The following ATP2B2 variants were observed in gnomAD, a reference collection of about 807,000 sequenced individuals.
ATP2B2 encodes the protein plasma membrane calcium-transporting ATPase 2.
ATP2B2 carries 15 observed loss-of-function variants against 120.0 expected under a neutral mutation model. The observed-to-expected ratio is 0.12, with a 90% CI of 0.08 to 0.19. The LOEUF (loss-of-function observed/expected upper bound fraction) is 0.19, where lower values mean the gene tolerates loss of function less well. ATP2B2 is among the 10% of genes least tolerant of loss of function. The pLI, the probability that ATP2B2 is intolerant of heterozygous loss-of-function variation, is 1.00. For missense variants in ATP2B2, 1,045 were observed against 1,719.8 expected (o/e 0.61, Z 6.94); for synonymous variants, 694 against 700.3 (o/e 0.99, Z 0.14).
At chr3:10,335,625 C>A (rs953696501) in intron 22 of ATP2B2, among the ~76,000 whole-genome samples, 1 of 152,200 alleles carries the variant, frequency 6.6e-6, no homozygotes, top group African/African-American at 2.4e-5. Context: ...ATGTGACTGA[C>A]TGGGACCCTA....
rs1466616262 is a variant in ATP2B2, at chr3:10,325,085, C to A, written c.*3729G>T. On this transcript the variant is annotated 3_prime_UTR_variant, in exon 23 of 23. Coordinates refer to ENST00000360273, the MANE Select transcript of ATP2B2 (RefSeq NM_001001331.4). Reference sequence around the variant, plus strand: ...GATGGGAGGAACAGCAGGCTTCTCTCAAGATCAGGATGCCCTTTTTGTCCC... The same window carrying A: ...GATGGGAGGAACAGCAGGCTTCTCTAAAGATCAGGATGCCCTTTTTGTCCC... 6.6e-6 allele frequency: 1 copy of A among 152,190 alleles called. No homozygotes were observed. The highest frequency in any genetic ancestry group is 1.9e-4 in the East Asian group (1 of 5,194). The allele number at this position is 152,190 out of a possible 1,614,324, so 9.4% of individuals were successfully genotyped here.
At chr3:10,488,962 G>A (rs111438470) in intron 1 of ATP2B2, among the ~76,000 whole-genome samples, 138 of 152,288 alleles carry the variant, frequency 9.1e-4, no homozygotes, top group African/African-American at 3.2e-3. Flanking sequence ...GAGACCCTGC[G>A]TGATCCTGGC....
chr3:10,398,127 T>C (rs1357705974), intron 5 of ATP2B2, among the ~76,000 whole-genome samples: 1 of 152,172 alleles, frequency 6.6e-6, no homozygotes, highest in East Asian at 1.9e-4. Context: ...GCCACTCCCT[T>C]GTGCTTGTGG....
chr3:10,652,008 T>C (rs995228523), intron 1 of ATP2B2, among the ~76,000 whole-genome samples: 2 of 152,182 alleles, frequency 1.3e-5, no homozygotes, highest in Non-Finnish European at 2.9e-5. Context: ...GGGGTGATGA[T>C]GGGTCCCTGG....
At chr3:10,600,436 T>C (rs2068877624) in intron 2 of ATP2B2, among the ~76,000 whole-genome samples, 1 of 152,162 alleles carries the variant, frequency 6.6e-6, no homozygotes, top group Non-Finnish European at 1.5e-5. Flanking sequence ...CATCTCCCCC[T>C]ACCAGCCTGG....
chr3:10,490,323 A>T (rs547777253), intron 1 of ATP2B2, among the ~76,000 whole-genome samples: 1 of 152,248 alleles, frequency 6.6e-6, no homozygotes, highest in South Asian at 2.1e-4. Flanking sequence ...AAATGGGAAT[A>T]ATAACTGCTA....
intron 14 of ATP2B2, among the ~76,000 whole-genome samples, chr3:10,355,147 C>T (rs1453406576): frequency 2.0e-5 from 3 of 152,194 alleles, no homozygotes; most frequent in African/African-American, 4.8e-5. Context: ...CCGCCCCACT[C>T]GGAGGTGCTG....
rs779131837 is a variant in ATP2B2 at position 10,449,414 on chromosome 3, C to G, written c.130G>C (p.Val44Leu). 4 of 1,614,122 alleles carry G rather than the reference C, an allele frequency of 2.5e-6. No individual in the cohort carries two copies. The East Asian group carries it at 8.9e-5, about 36-fold the overall frequency. Residue 44 changes from valine (V) to leucine (L), a missense_variant, in exon 2 of 23, where the codon GTC becomes CTC. Transcript: ENST00000360273. ...LMELRGTEAV[V>L]KIKETYGDTE... Reference sequence around the variant, plus strand: ...TCCCCATAAGTCTCCTTGATCTTGACCACAGCCTCAGTGCCCCGCAGCTCC... The same window carrying G: ...TCCCCATAAGTCTCCTTGATCTTGAGCACAGCCTCAGTGCCCCGCAGCTCC...
chr3:10,417,165 A>G (rs984791814), intron 2 of ATP2B2, among the ~76,000 whole-genome samples: 6 of 149,630 alleles, frequency 4.0e-5, no homozygotes, highest in African/African-American at 1.5e-4. Context: ...GGCCAGGCAG[A>G]GGGACTCCTC....
Position 10,516,362 on chromosome 3 carries a change from T to C in ATP2B2, c.-320+17677A>G, listed in dbSNP as rs78605965. The stretch of plus-strand genomic sequence containing the variant: ...TCCCACTCTGCCCAAAGGAGGGCAG[T>C]GCCGGACGAGGTGACCCTGGCATGG... On this transcript the variant is annotated intron_variant, in intron 3 of 21. Coordinates refer to the ATP2B2 transcript ENST00000646379. Among the ~76,000 whole-genome samples, 523 of 152,342 alleles carry C rather than the reference T, an allele frequency of 3.4e-3. 6 individuals carry two copies. The highest frequency in any genetic ancestry group is 0.03 in the East Asian group (154 of 5,188).
chr3:10,474,274 A>C lies in ATP2B2; in HGVS notation c.-319-24412T>G, dbSNP rs187579214. 1.0e-3 allele frequency among the ~76,000 whole-genome samples: 158 copies of C among 152,246 alleles called. 1 individual carries two copies. Among genetic ancestry groups the C allele is most frequent in the Non-Finnish European group, 1.5e-3 (101 of 68,008 alleles). On this transcript the variant is annotated intron_variant, in intron 1 of 22. Transcript: ENST00000360273. The stretch of plus-strand genomic sequence containing the variant: ...AGAAGGTTGGGTAGGCATGATGAAG[A>C]ATCCTGTTTTGGACTTGTTAACTTT...
chr3:10,617,554 G>A (rs1184356163), intron 2 of ATP2B2, among the ~76,000 whole-genome samples: 2 of 151,628 alleles, frequency 1.3e-5, no homozygotes, highest in African/African-American at 4.9e-5. Flanking sequence ...GTGAAGAAAC[G>A]AAGGCACAAA....
Position 10,402,437 on chromosome 3 carries a change from T to C in ATP2B2, c.398-89A>G. ...GGATTTACAGCTCAGCTCTGCAAAG[T>C]AACAAGTGTTAAGAATCAGATGATA... On this transcript the variant is annotated intron_variant, in intron 3 of 22. Transcript: ENST00000360273. The surrounding 1 kb of genome is among the most constrained non-coding windows in gnomAD (Gnocchi z 4.9). 6.4e-7 allele frequency: 1 copy of C among 1,552,224 alleles called. No individual in the cohort carries two copies. The highest frequency in any genetic ancestry group is 1.7e-5 in the Admixed American group (1 of 59,926).
intron 22 of ATP2B2, among the ~76,000 whole-genome samples, chr3:10,332,562 T>C (rs2060010317): frequency 6.6e-6 from 1 of 152,116 alleles, no homozygotes. Flanking sequence ...CTGGTAGAAG[T>C]TCAAGCTGAG....
chr3:10,462,060 C>G (rs531592558), intron 1 of ATP2B2, among the ~76,000 whole-genome samples: 61 of 152,258 alleles, frequency 4.0e-4, no homozygotes, highest in African/African-American at 1.4e-3. Context: ...GTCCTGCCCT[C>G]TTAATGCCTT....
At chr3:10,330,491 C>T (rs944149623) in intron 22 of ATP2B2, among the ~76,000 whole-genome samples, 5 of 152,238 alleles carry the variant, frequency 3.3e-5, no homozygotes, top group Admixed American at 6.5e-5. Context: ...AAAGGTGCCT[C>T]CTCCTCTCGT....
At chr3:10,687,609 C>T (rs2071554880) in intron 1 of ATP2B2, among the ~76,000 whole-genome samples, 1 of 152,028 alleles carries the variant, frequency 6.6e-6, no homozygotes, top group Non-Finnish European at 1.5e-5. Context: ...GCCTGTAATC[C>T]CAGCACTTTG....
intron 1 of ATP2B2, among the ~76,000 whole-genome samples, chr3:10,475,758 C>T (rs563123006): frequency 5.3e-5 from 8 of 152,294 alleles, no homozygotes; most frequent in East Asian, 1.9e-4. Flanking sequence ...TGTCTAAGTG[C>T]GTTTCTGCTG....
intron 2 of ATP2B2, among the ~76,000 whole-genome samples, chr3:10,601,508 TA>T (rs1405756886): frequency 6.6e-6 from 1 of 152,202 alleles, no homozygotes; most frequent in Non-Finnish European, 1.5e-5. Flanking sequence ...ACCTCATTTA[TA>T]AATGGAGGTC....
Sources: gnomAD v4.1 joint callset for allele counts (sites outside exome capture counted in the v4.1 genomes callset) on GRCh38, gnomAD v4.1.1 for gene constraint, Gnocchi (gnomAD v3.1) non-coding constraint, MANE v1.5 for transcripts, NCBI Gene and HGNC (gene_info 2026-07-23, HGNC 2026-07-21) for gene names.